Variants in RNF150 observed in about 807,000 individuals in gnomAD.
The protein encoded by RNF150 is ring finger protein 150.
RNF150 carries 24 observed loss-of-function variants against 39.3 expected under a neutral mutation model. That is an observed-to-expected ratio of 0.61 (90% confidence interval 0.44 to 0.86). The LOEUF is 0.86. Among genes scored for constraint, RNF150 ranks in the 40% least tolerant of loss-of-function variants. The pLI is 0.00. For missense variants in RNF150, 502 were observed against 587.8 expected (o/e 0.85, Z 1.51); for synonymous variants, 255 against 227.3 (o/e 1.12, Z -1.10).
At chr4:140,909,684 C>T (rs755060636) in intron 6 of RNF150, among the ~76,000 whole-genome samples, 3 of 151,964 alleles carry the variant, frequency 2.0e-5, no homozygotes, top group Non-Finnish European at 2.9e-5. Flanking sequence ...ACATGCATGA[C>T]TTGCATTATA....
chr4:140,960,392 G>A (rs563487091), intron 2 of RNF150, among the ~76,000 whole-genome samples: 9 of 152,244 alleles, frequency 5.9e-5, no homozygotes, highest in African/African-American at 2.2e-4. Context: ...TAAGTGATGG[G>A]AGTGATAAAG....
chr4:140,903,724 T>C (rs992511271), intron 6 of RNF150, among the ~76,000 whole-genome samples: 2 of 152,210 alleles, frequency 1.3e-5, no homozygotes, highest in Non-Finnish European at 2.9e-5. Context: ...ACTCAGGGCA[T>C]ATGAGACAAT....
intron 1 of RNF150, among the ~76,000 whole-genome samples, chr4:141,189,485 AAGCTGCGCCCAC>A (rs769732670): frequency 2.8e-4 from 43 of 152,268 alleles, no homozygotes; most frequent in Non-Finnish European, 4.7e-4. Context: ...AAGTCTACTG[AAGCTGCGCCCAC>A]AGCTGCCCCT....
intron 1 of RNF150, among the ~76,000 whole-genome samples, chr4:141,027,098 T>C (rs973725257): frequency 4.0e-4 from 61 of 152,300 alleles, no homozygotes; most frequent in African/African-American, 1.4e-3. Flanking sequence ...ACTCAGCTCT[T>C]GTCGGCTGAC....
At chr4:140,926,214 C>T in intron 4 of RNF150, 141 bp from the exon 5 acceptor site, 1 of 637,254 alleles carries the variant, frequency 1.6e-6, no homozygotes, top group South Asian at 1.9e-5. Context: ...ACTTGTGGGC[C>T]AAAGTGTTTC....
At chr4:140,999,845 G>C (rs1734508983) in intron 1 of RNF150, among the ~76,000 whole-genome samples, 1 of 151,250 alleles carries the variant, frequency 6.6e-6, no homozygotes. Context: ...TGAGGCAGGA[G>C]AATCTCTTGA....
intron 1 of RNF150, among the ~76,000 whole-genome samples, chr4:141,191,453 G>A (rs1179213394): frequency 6.6e-6 from 1 of 152,110 alleles, no homozygotes; most frequent in African/African-American, 2.4e-5. Flanking sequence ...AACTTTAAAT[G>A]ATGCAATCAT....
At chr4:141,173,034 GA>G (rs113078427) in intron 1 of RNF150, among the ~76,000 whole-genome samples, 128 of 140,794 alleles carry the variant, frequency 9.1e-4, no homozygotes, top group African/African-American at 1.6e-3. Flanking sequence ...CTTAAAAAAA[GA>G]AAAAAAAAAA....
intron 1 of RNF150, among the ~76,000 whole-genome samples, chr4:141,195,311 C>G (rs1195042206): frequency 6.6e-6 from 1 of 152,184 alleles, no homozygotes; most frequent in East Asian, 1.9e-4. Flanking sequence ...CTCCAGACTC[C>G]ATTTCTGGAA....
intron 1 of RNF150, among the ~76,000 whole-genome samples, chr4:141,077,436 T>C (rs1737938429): frequency 6.6e-6 from 1 of 152,238 alleles, no homozygotes; most frequent in African/African-American, 2.4e-5. Flanking sequence ...ATTTTGGGGC[T>C]GATGGAACTG....
chr4:141,111,469 T>C (rs1739381233), intron 1 of RNF150, among the ~76,000 whole-genome samples: 1 of 152,158 alleles, frequency 6.6e-6, no homozygotes, highest in African/African-American at 2.4e-5. Flanking sequence ...TTAACCATAA[T>C]GTATAAGCTT....
Position 141,132,637 on chromosome 4 carries a change from C to G in RNF150, c.172G>C (p.Gly58Arg). 2 of 1,585,616 alleles carry G rather than the reference C, an allele frequency of 1.3e-6. No individual in the cohort carries two copies. Among genetic ancestry groups the G allele is most frequent in the Non-Finnish European group, 1.7e-6 (2 of 1,169,046 alleles). Reference sequence around the variant, plus strand: ...TCCGCGCCGCCGCCGCCCGCCGCCCCGGCCCCGGGGTCCGGCGCGGGCTCG... The same window carrying G: ...TCCGCGCCGCCGCCGCCCGCCGCCCGGGCCCCGGGGTCCGGCGCGGGCTCG... ...YAEPAPDPGAGAAGGGGAELH... is the reference protein window; with the variant it reads ...YAEPAPDPGARAAGGGGAELH... Residue 58 changes from glycine to arginine, a missense_variant, in exon 1 of 7, where the codon GGG becomes CGG. Gly to Arg is a moderately radical substitution (Grantham distance 125, BLOSUM62 -2). Coordinates refer to ENST00000515673, the MANE Select transcript of RNF150 (RefSeq NM_020724.2). This position sits in a 1 kb window ranked among gnomAD's most constrained non-coding sequence, Gnocchi z 4.9.
intron 1 of RNF150, among the ~76,000 whole-genome samples, chr4:141,171,802 C>T (rs923388939): frequency 6.6e-6 from 1 of 152,056 alleles, no homozygotes; most frequent in Non-Finnish European, 1.5e-5. Context: ...TGTTAAGTTC[C>T]TCCCTTCCCA....
chr4:141,210,486 C>CTTTT (rs35272487), intron 1 of RNF150, among the ~76,000 whole-genome samples: 1 of 143,902 alleles, frequency 6.9e-6, no homozygotes. Flanking sequence ...GCAGTTTCAG[C>CTTTT]TTTTTTTTTT....
Position 141,194,714 on chromosome 4 carries a change from G to C in RNF150, c.-6+18080C>G, listed in dbSNP as rs186130984. On this transcript the variant is annotated intron_variant, in intron 1 of 7. Transcript: ENST00000420921. Reference sequence around the variant, plus strand: ...CTCAATATGAGTAGAATTAATGAAAGAACTGGCATATAAATAGGCTGGCTT... The same window carrying C: ...CTCAATATGAGTAGAATTAATGAAACAACTGGCATATAAATAGGCTGGCTT... Among the ~76,000 whole-genome samples the C allele has an allele frequency of 6.1e-4, 93 of 152,226 alleles. 1 individual carries two copies. Among genetic ancestry groups the C allele is most frequent in the Admixed American group, 2.5e-3 (38 of 15,282 alleles).
At chr4:141,072,243 CG>C (rs1560722268) in intron 1 of RNF150, among the ~76,000 whole-genome samples, 3 of 151,990 alleles carry the variant, frequency 2.0e-5, no homozygotes, top group African/African-American at 7.2e-5. Flanking sequence ...CCAGGTAAAA[CG>C]AAAGGATGAA....
At chr4:141,003,989 A>G (rs1734768812) in intron 1 of RNF150, among the ~76,000 whole-genome samples, 1 of 152,142 alleles carries the variant, frequency 6.6e-6, no homozygotes, top group South Asian at 2.1e-4. Context: ...TGGGGTTAGG[A>G]AGTTGTATAC....
chr4:140,967,563 A>G (rs1040537712), intron 2 of RNF150, 60 bp downstream of exon 2: 15 of 1,470,374 alleles, frequency 1.0e-5, no homozygotes, highest in African/African-American at 2.8e-5. Context: ...TCATGTTCAA[A>G]GATGTTTAAT....
At chr4:141,186,687 G>A (rs1035060801) in intron 1 of RNF150, among the ~76,000 whole-genome samples, 7 of 152,126 alleles carry the variant, frequency 4.6e-5, no homozygotes, top group South Asian at 2.1e-4. Context: ...TTACAGGCAT[G>A]AGCCACTGCA....
Sources: gnomAD v4.1 joint callset for allele counts (sites outside exome capture counted in the v4.1 genomes callset) on GRCh38, gnomAD v4.1.1 for gene constraint, Gnocchi (gnomAD v3.1) non-coding constraint, MANE v1.5 for transcripts, NCBI Gene and HGNC (gene_info 2026-07-23, HGNC 2026-07-21) for gene names.